MTCL1: variants seen among roughly 807,000 people sequenced by gnomAD.
MTCL1 encodes microtubule cross-linking factor 1.
Under a neutral mutation model 141.4 loss-of-function variants are expected in MTCL1, and 79 were observed. That is an observed-to-expected ratio of 0.56 (90% CI 0.47 to 0.67). The LOEUF is 0.67. Ranked by LOEUF, MTCL1 falls within the 30% of genes least tolerant of loss-of-function variation. MTCL1 has a pLI of 0.00. For missense variants in MTCL1, 2,177 were observed against 2,113.9 expected (o/e 1.03, Z -0.59); for synonymous variants, 914 against 875.8 (o/e 1.04, Z -0.77).
intron 4 of MTCL1, among the ~76,000 whole-genome samples, chr18:8,726,530 AGTGCG>A (rs2096215519): frequency 8.9e-6 from 1 of 112,832 alleles, no homozygotes. Context: ...AGAGAGAGCG[AGTGCG>A]CATGCGCGCG....
chr18:8,820,567 G>A lies in MTCL1; in HGVS notation c.3157-900G>A, dbSNP rs1410717361. On this transcript the variant is annotated intron_variant, in intron 13 of 16. Coordinates refer to ENST00000359865, the Ensembl canonical transcript of MTCL1. ...ATTATATTTCACCCACATCAGTAAG[G>A]TCAAATGCCTTATCCTCAGCAATGT... Among the ~76,000 whole-genome samples the A allele has an allele frequency of 1.3e-5, 2 of 152,178 alleles. 1 individual carries two copies. The highest frequency in any genetic ancestry group is 4.1e-4 in the South Asian group (2 of 4,836).
At chr18:8,777,699 A>G in intron 4 of MTCL1, 134 bp from the exon 4 acceptor site, 1 of 719,376 alleles carries the variant, frequency 1.4e-6, no homozygotes, top group Non-Finnish European at 2.3e-6. Context: ...AAATTTACAC[A>G]AGTTGTTTCT....
intron 4 of MTCL1, among the ~76,000 whole-genome samples, chr18:8,745,445 T>C (rs1282300246): frequency 6.6e-6 from 1 of 152,246 alleles, no homozygotes. Flanking sequence ...GCTTGTGACA[T>C]TCTTACATGC....
chr18:8,796,235 G>A (rs750632286), exon 9 of MTCL1: 1 of 1,614,132 alleles, frequency 6.2e-7, no homozygotes, highest in Non-Finnish European at 8.5e-7. Flanking sequence ...ATTCAAGATG[G>A]AGGAGGAGCA....
exon 6 of MTCL1, chr18:8,784,526 A>C (rs777327170): frequency 1.9e-6 from 3 of 1,604,728 alleles, no homozygotes; most frequent in Non-Finnish European, 2.6e-6. Flanking sequence ...GGAGCGCCTC[A>C]TCACGGACAC....
intron 4 of MTCL1, among the ~76,000 whole-genome samples, chr18:8,771,450 AT>A (rs1250747616): frequency 6.6e-6 from 1 of 152,194 alleles, no homozygotes; most frequent in Non-Finnish European, 1.5e-5. Flanking sequence ...AATTCTGAAA[AT>A]TATCAGTCTG....
At chr18:8,724,697 C>G (rs1276137105) in intron 4 of MTCL1, among the ~76,000 whole-genome samples, 1 of 152,152 alleles carries the variant, frequency 6.6e-6, no homozygotes, top group Non-Finnish European at 1.5e-5. Context: ...GTTGGGTTTC[C>G]CACTCCAGGG....
At position 8,830,009 on chromosome 18, in the gene MTCL1, A is replaced by T; in HGVS notation, c.*18+1045A>T. ...AACGGGATACGGTGGTGTCAGATAAACCTATGACAGCAGCTTCACCAACAC... is the reference window on the plus strand; with the variant it reads ...AACGGGATACGGTGGTGTCAGATAATCCTATGACAGCAGCTTCACCAACAC... On this transcript the variant is annotated intron_variant, in intron 16 of 16. Coordinates refer to ENST00000359865, the Ensembl canonical transcript of MTCL1. This position sits in a 1 kb window ranked among gnomAD's most constrained non-coding sequence, Gnocchi z 6.4. 2.0e-6 allele frequency: 2 copies of T among 985,492 alleles called. No homozygotes were observed. Among genetic ancestry groups the T allele is most frequent in the Non-Finnish European group, 1.2e-6 (1 of 830,012 alleles). 61.0% of individuals were successfully genotyped at this position (985,492 alleles called of 1,614,324 possible).
At chr18:8,771,444 C>G (rs1203294893) in intron 4 of MTCL1, among the ~76,000 whole-genome samples, 1 of 152,208 alleles carries the variant, frequency 6.6e-6, no homozygotes, top group Non-Finnish European at 1.5e-5. Context: ...TGTAAGAATT[C>G]TGAAAATTAT....
chr18:8,830,258 T>C lies in MTCL1; in HGVS notation c.*18+1294T>C. The C allele has an allele frequency of 1.0e-6, 1 of 985,540 alleles. No homozygotes were observed. The highest frequency in any genetic ancestry group is 1.1e-4 in the East Asian group (1 of 8,800). 61.0% of individuals were successfully genotyped at this position (985,540 alleles called of 1,614,324 possible). ...GGAGAGGTATTTCTGGTTGTCACGG[T>C]ACTGTTAGCATAATGCTTTGGGAAC... On this transcript the variant is annotated intron_variant, in intron 16 of 16. Transcript: ENST00000359865. The surrounding 1 kb of genome is among the most constrained non-coding windows in gnomAD (Gnocchi z 6.4).
intron 4 of MTCL1, among the ~76,000 whole-genome samples, chr18:8,776,437 G>C (rs943469283): frequency 6.6e-6 from 1 of 152,122 alleles, no homozygotes; most frequent in Non-Finnish European, 1.5e-5. Flanking sequence ...GACACCTCTA[G>C]GCCCCTTCAC....
At chr18:8,721,609 C>T (rs142836965) in intron 4 of MTCL1, among the ~76,000 whole-genome samples, 5 of 152,218 alleles carry the variant, frequency 3.3e-5, no homozygotes, top group African/African-American at 4.8e-5. Flanking sequence ...TTATCTCTTT[C>T]GGGTCCTTGC....
intron 4 of MTCL1, among the ~76,000 whole-genome samples, chr18:8,735,901 C>T (rs1442191408): frequency 6.6e-6 from 1 of 152,094 alleles, no homozygotes; most frequent in Non-Finnish European, 1.5e-5. Flanking sequence ...AGAACAAATG[C>T]TTTATATATA....
At chr18:8,806,735 TC>T (rs971542415) in intron 10 of MTCL1, among the ~76,000 whole-genome samples, 157 bp from the exon 10 acceptor site, 1 of 151,954 alleles carries the variant, frequency 6.6e-6, no homozygotes, top group African/African-American at 2.4e-5. Context: ...CTTTCTTTGC[TC>T]CCCGGCTAAC....
exon 17 of MTCL1, chr18:8,831,689 C>T: frequency 2.6e-6 from 4 of 1,550,642 alleles, no homozygotes; most frequent in Non-Finnish European, 3.5e-6. Context: ...CGCCCTCCGT[C>T]CCGTTGGGCC....
At chr18:8,794,614 G>C (rs1037896549) in intron 8 of MTCL1, among the ~76,000 whole-genome samples, 2 of 152,198 alleles carry the variant, frequency 1.3e-5, no homozygotes, top group African/African-American at 4.8e-5. Context: ...AGCTTGCCCA[G>C]CATGAGTCAG....
At chr18:8,817,349 A>G (rs1489553107) in intron 12 of MTCL1, among the ~76,000 whole-genome samples, 1 of 150,056 alleles carries the variant, frequency 6.7e-6, no homozygotes, top group African/African-American at 2.5e-5. Flanking sequence ...AGGAGAGAGC[A>G]GAGGGGCAAA....
In MTCL1 at chr18:8,824,937, C is replaced by G. The variant is rs377093360; in HGVS notation, c.3427C>G (p.His1143Asp). The G allele has an allele frequency of 3.1e-6, 5 of 1,613,608 alleles. No individual in the cohort carries two copies. The African/African-American group carries it at 6.7e-5, about 22-fold the overall frequency. Reference sequence around the variant, plus strand: ...CAGGACCGAGGTGGGGCGGGCAGGGCACGAGGACAGCACAGAGCCTTTCCC... The same window carrying G: ...CAGGACCGAGGTGGGGCGGGCAGGGGACGAGGACAGCACAGAGCCTTTCCC... The change falls in exon 15 of 17, where the codon CAC becomes GAC. Residue 1143 changes from histidine (H) to aspartate (D), a missense_variant. Physicochemically the swap from His to Asp is moderately conservative, Grantham distance 81. Transcript: ENST00000359865.
At chr18:8,767,612 C>T (rs574229027) in intron 4 of MTCL1, among the ~76,000 whole-genome samples, 3 of 152,326 alleles carry the variant, frequency 2.0e-5, no homozygotes, top group Non-Finnish European at 4.4e-5. Flanking sequence ...CTGTTCATTT[C>T]TGTCTGACTT....
Sources: allele counts gnomAD v4.1 joint callset (sites outside exome capture counted in the v4.1 genomes callset), GRCh38; gene constraint gnomAD v4.1.1; non-coding constraint Gnocchi (gnomAD v3.1); transcripts MANE v1.5; gene names NCBI Gene and HGNC (gene_info 2026-07-23, HGNC 2026-07-21).